ZNF875: variants seen among roughly 807,000 people sequenced by gnomAD.
ZNF875 encodes the protein zinc finger protein 875, also known as HKR1, GLI-Kruppel zinc finger family member.
A neutral mutation model predicts 11.2 loss-of-function variants in ZNF875; 14 were observed. The ratio of observed to expected loss-of-function variants is 1.26; its 90% confidence interval spans 0.83 to 1.96. The LOEUF is 1.96. Ranked by LOEUF, ZNF875 falls within the 30% of genes most tolerant of loss-of-function variation. The probability of loss-of-function intolerance (pLI) is 0.00; values close to 1 mark genes in which losing one functional copy is unlikely to be tolerated. For synonymous variants in ZNF875, 301 were observed against 281.1 expected (o/e 1.07, Z -0.71); for missense variants, 752 against 760.4 (o/e 0.99, Z 0.13).
Position 37,364,318 on chromosome 19 carries a change from A to T in ZNF875, c.*543A>T, listed in dbSNP as rs995235153. 1 of 153,668 alleles carries T rather than the reference A, an allele frequency of 6.5e-6. No individual in the cohort carries two copies. The highest frequency in any genetic ancestry group is 1.4e-5 in the Non-Finnish European group (1 of 69,186). The allele number at this position is 153,668 out of a possible 1,614,324, so 9.5% of individuals were successfully genotyped here. A position where few individuals can be genotyped will look rare whatever the true frequency, so the allele number is the denominator to read the frequency against. ...GTGTATTCCCCTATTCTGAGCCCAT[A>T]AAAGACCCAGACTCAGCTGCAGTGA... is the stretch of plus-strand genomic sequence containing the variant. On this transcript the variant is annotated 3_prime_UTR_variant, in exon 5 of 5. Transcript: ENST00000392153.
chr19:37,334,179 C>T (rs2033819109), upstream of ZNF875, among the ~76,000 whole-genome samples: 1 of 152,184 alleles, frequency 6.6e-6, no homozygotes, highest in Admixed American at 6.5e-5. Flanking sequence ...GTACACCCTC[C>T]TACTCTAGGG....
rs1429132283 is a variant in ZNF875 at position 37,363,965 on chromosome 19, T to C, written c.*190T>C. 4 of 578,562 alleles carry C rather than the reference T, an allele frequency of 6.9e-6. No individual in the cohort carries two copies. The highest frequency in any genetic ancestry group is 1.2e-5 in the Non-Finnish European group (4 of 324,248). The allele number at this position is 578,562 out of a possible 1,614,324, so 35.8% of individuals were successfully genotyped here. On this transcript the variant is annotated 3_prime_UTR_variant, in exon 5 of 5. Coordinates refer to ENST00000392153, the MANE Select transcript of ZNF875 (RefSeq NM_001353803.2). ...GTATCTCCATCCACCTGAAGGAGAA[T>C]TGCTGGCTCATTTTCAGGAGCCCTG...
intron 1 of ZNF875, among the ~76,000 whole-genome samples, chr19:37,318,524 CTTT>C (rs1233207140): frequency 3.6e-5 from 5 of 139,002 alleles, no homozygotes; most frequent in Admixed American, 7.2e-5. Context: ...TATTTGTTTT[CTTT>C]TTTTTTTTTT....
chr19:37,325,419 C>G (rs1599879865), intron 4 of ZNF875, among the ~76,000 whole-genome samples: 1 of 152,244 alleles, frequency 6.6e-6, no homozygotes, highest in South Asian at 2.1e-4. Flanking sequence ...TTTAGATTTT[C>G]TAGTAGTCAC....
chr19:37,331,895 A>G (rs1009008911), upstream of ZNF875, among the ~76,000 whole-genome samples: 13 of 132,416 alleles, frequency 9.8e-5, no homozygotes, highest in Admixed American at 9.4e-4. Flanking sequence ...AGAGGAAGGC[A>G]TCTGTCTCCT....
intron 3 of ZNF875, among the ~76,000 whole-genome samples, chr19:37,323,823 T>C (rs1405821109): frequency 1.3e-5 from 2 of 152,174 alleles, no homozygotes; most frequent in Non-Finnish European, 2.9e-5. Context: ...GAAGTGCCCA[T>C]GAACAGAGGA....
intron 2 of ZNF875, among the ~76,000 whole-genome samples, chr19:37,345,807 A>C (rs2036650153): frequency 6.6e-6 from 1 of 152,174 alleles, no homozygotes; most frequent in African/African-American, 2.4e-5. Flanking sequence ...TAAAGAGAAT[A>C]AGTGTTGGGC....
intron 2 of ZNF875, chr19:37,344,801 C>CT (rs1568608471): frequency 1.5e-6 from 2 of 1,326,394 alleles, no homozygotes; most frequent in Non-Finnish European, 2.2e-6. Context: ...TAAAGTAACA[C>CT]TAATTGCTCT....
At chr19:37,350,906 G>A (rs1238975350) in intron 4 of ZNF875, among the ~76,000 whole-genome samples, 2 of 145,656 alleles carry the variant, frequency 1.4e-5, no homozygotes, top group African/African-American at 5.1e-5. Context: ...CTGGACTCAA[G>A]CGATTCTCCT....
chr19:37,321,204 G>A (rs2031367690), intron 1 of ZNF875, among the ~76,000 whole-genome samples: 1 of 152,136 alleles, frequency 6.6e-6, no homozygotes, highest in African/African-American at 2.4e-5. Flanking sequence ...CCCGACACCT[G>A]TAAAGGGTCC....
chr19:37,354,776 G>T (rs948575149), intron 4 of ZNF875, among the ~76,000 whole-genome samples: 2 of 152,062 alleles, frequency 1.3e-5, no homozygotes, highest in African/African-American at 4.8e-5. Context: ...GACTGGGTTG[G>T]TTCTCGTGAG....
At chr19:37,361,080 T>C (rs928212799) in intron 4 of ZNF875, among the ~76,000 whole-genome samples, 2 of 151,664 alleles carry the variant, frequency 1.3e-5, no homozygotes, top group African/African-American at 2.4e-5. Flanking sequence ...GCCTTTCATT[T>C]ATTTTCTCCT....
intron 1 of ZNF875, among the ~76,000 whole-genome samples, chr19:37,319,937 A>C (rs1449499166): frequency 6.6e-6 from 1 of 151,920 alleles, no homozygotes; most frequent in Non-Finnish European, 1.5e-5. Flanking sequence ...CCCAGGCTGG[A>C]GTGTAGTGGT....
upstream of ZNF875, among the ~76,000 whole-genome samples, chr19:37,332,398 A>G (rs912024617): frequency 2.0e-5 from 3 of 151,950 alleles, no homozygotes; most frequent in Non-Finnish European, 4.4e-5. Context: ...TGTATTTTTA[A>G]TAGAGATGGG....
chr19:37,355,443 C>T (rs985538137), intron 4 of ZNF875, among the ~76,000 whole-genome samples: 33 of 152,192 alleles, frequency 2.2e-4, no homozygotes, highest in Middle Eastern at 3.2e-3. Context: ...TCACCTCGGT[C>T]TCCCAAAGTG....
intron 4 of ZNF875, among the ~76,000 whole-genome samples, chr19:37,327,930 T>C (rs943289448): frequency 3.9e-5 from 6 of 151,984 alleles, no homozygotes; most frequent in Non-Finnish European, 7.4e-5. Flanking sequence ...GGGAACACAA[T>C]GTTAGAGTTG....
rs2040388894 is a variant in ZNF875, at chr19:37,363,783, A to G, written c.*8A>G. 6.2e-7 allele frequency: 1 copy of G among 1,608,348 alleles called. No individual in the cohort carries two copies. The highest frequency in any genetic ancestry group is 1.3e-5 in the African/African-American group (1 of 74,786). On this transcript the variant is annotated 3_prime_UTR_variant, in exon 5 of 5. Coordinates refer to ENST00000392153, the MANE Select transcript of ZNF875 (RefSeq NM_001353803.2). ...AGGACACACTCAGGATAGAAACTTT[A>G]TGTGTATAGGGAATGTGGTACAGCC...
rs752555958 is a variant in ZNF875 at position 37,362,937 on chromosome 19, G to C, written c.1085G>C (p.Gly362Ala). The change falls in exon 5 of 5, where the codon GGG becomes GCG. Residue 362 changes from glycine (G) to alanine (A), a missense_variant. Coordinates refer to ENST00000392153, the MANE Select transcript of ZNF875 (RefSeq NM_001353803.2). ...NLITHQRAHT[G>A]EKPYVCRECG... ...ATTACCCACCAGAGGGCGCACACTG[G>C]GGAGAAGCCTTATGTTTGCAGGGAA... 1 of 1,614,184 alleles carries C rather than the reference G, an allele frequency of 6.2e-7. No homozygotes were observed. The highest frequency in any genetic ancestry group is 8.5e-7 in the Non-Finnish European group (1 of 1,180,032).
chr19:37,347,694 C>A, intron 3 of ZNF875, 83 bp from the exon 4 acceptor site: 1 of 848,162 alleles, frequency 1.2e-6, no homozygotes, highest in Non-Finnish European at 2.0e-6. Context: ...CTCTGGGTTT[C>A]CTCACCCATT....
Sources: gnomAD v4.1 joint callset for allele counts (sites outside exome capture counted in the v4.1 genomes callset) on GRCh38, gnomAD v4.1.1 for gene constraint, MANE v1.5 for transcripts, NCBI Gene and HGNC (gene_info 2026-07-23, HGNC 2026-07-21) for gene names.